ABCA4: variants seen among roughly 807,000 people sequenced by gnomAD.
The protein encoded by ABCA4 is retinal-specific phospholipid-transporting ATPase ABCA4.
A neutral mutation model predicts 263.7 loss-of-function variants in ABCA4; 196 were observed. That is an observed-to-expected ratio of 0.74 (90% CI 0.66 to 0.84). The LOEUF (loss-of-function observed/expected upper bound fraction) is 0.84. Ranked by LOEUF, ABCA4 falls within the 40% of genes least tolerant of loss-of-function variation. The pLI, the probability that ABCA4 is intolerant of heterozygous loss-of-function variation, is 0.00. For synonymous variants in ABCA4, 1,133 were observed against 1,094.2 expected (o/e 1.04, Z -0.70); for missense variants, 2,792 against 2,855.1 (o/e 0.98, Z 0.50).
At chr1:94,017,047 A>G (rs1659765644) in intron 36 of ABCA4, among the ~76,000 whole-genome samples, 2 of 152,232 alleles carry the variant, frequency 1.3e-5, no homozygotes, top group South Asian at 4.1e-4. Flanking sequence ...ATATCAAAAT[A>G]AATAATGATA....
At chr1:94,046,850 G>A in intron 19 of ABCA4, 69 bp downstream of exon 19, 1 of 1,576,042 alleles carries the variant, frequency 6.3e-7, no homozygotes, top group Non-Finnish European at 8.7e-7. Context: ...GACAGCCGCT[G>A]ATAGGGAAAG....
At chr1:94,076,582 G>A (rs376339483) in intron 11 of ABCA4, among the ~76,000 whole-genome samples, 3 of 152,228 alleles carry the variant, frequency 2.0e-5, no homozygotes, top group African/African-American at 2.4e-5. Flanking sequence ...GCCTGTAGGC[G>A]TGAAAGGGCC....
Position 94,047,103 on chromosome 1 carries a change from A to G in ABCA4, c.2744-10T>C. On this transcript the variant is annotated splice_polypyrimidine_tract_variant and intron_variant, in intron 18 of 49. Coordinates refer to ENST00000370225, the MANE Select transcript of ABCA4 (RefSeq NM_000350.3). ...CGTTCAAAGAAGGAGTCTTGGAGGA[A>G]AAAAAATGAACATGATGTAAACATA... The G allele has an allele frequency of 1.2e-6, 2 of 1,614,028 alleles. No homozygotes were observed. The highest frequency in any genetic ancestry group is 1.7e-6 in the Non-Finnish European group (2 of 1,179,960).
intron 5 of ABCA4, among the ~76,000 whole-genome samples, chr1:94,102,235 C>T (rs980726869): frequency 5.3e-5 from 8 of 152,018 alleles, no homozygotes; most frequent in South Asian, 2.1e-4. Context: ...AAATTGGGGG[C>T]GTATACACAG....
At chr1:94,107,673 G>A (rs962648988) in intron 4 of ABCA4, among the ~76,000 whole-genome samples, 1 of 151,958 alleles carries the variant, frequency 6.6e-6, no homozygotes, top group African/African-American at 2.4e-5. Context: ...TGTCCGTGTG[G>A]GGCCAACATC....
At chr1:94,108,984 G>A (rs900997221) in intron 3 of ABCA4, among the ~76,000 whole-genome samples, 3 of 152,068 alleles carry the variant, frequency 2.0e-5, no homozygotes, top group Non-Finnish European at 4.4e-5. Context: ...GTGTTAGCCA[G>A]GATGGTCTCG....
intron 4 of ABCA4, among the ~76,000 whole-genome samples, chr1:94,107,381 G>A (rs966823574): frequency 2.0e-5 from 3 of 152,096 alleles, no homozygotes; most frequent in Non-Finnish European, 2.9e-5. Flanking sequence ...ACTTCCTCAC[G>A]ACCACTCTTT....
At chr1:94,083,841 C>T (rs1661766099) in intron 6 of ABCA4, among the ~76,000 whole-genome samples, 1 of 152,222 alleles carries the variant, frequency 6.6e-6, no homozygotes, top group South Asian at 2.1e-4. Context: ...TTTGTAGACA[C>T]TGCAGTCTTC....
intron 11 of ABCA4, among the ~76,000 whole-genome samples, chr1:94,068,099 G>A (rs753326730): frequency 1.2e-4 from 18 of 152,146 alleles, no homozygotes; most frequent in African/African-American, 3.1e-4. Context: ...ATCCCATCCT[G>A]AGCTGATCCA....
chr1:94,116,047 G>T (rs1407699105), intron 1 of ABCA4, among the ~76,000 whole-genome samples: 1 of 152,096 alleles, frequency 6.6e-6, no homozygotes, highest in Non-Finnish European at 1.5e-5. Flanking sequence ...CCCTTGCAAG[G>T]CTTGTCACGC....
In ABCA4 at chr1:94,031,977, G is replaced by A. The variant is rs775563920; in HGVS notation, c.3929C>T (p.Ala1310Val). ...ATTGGAGTCCTGGGGTGTCTGTCCA[G>A]CCTTCTCTCTGGGACCCAAGCAGGG... is the stretch of plus-strand genomic sequence containing the variant. ...RHPCLGPREK[A>V]GQTPQDSNVC... is the part of the protein sequence containing the mutation. The change falls in exon 27 of 50, where the codon GCT becomes GTT. Residue 1310 changes from alanine (A) to valine (V), a missense_variant. Transcript: ENST00000370225. 2 of 1,614,024 alleles carry A rather than the reference G, an allele frequency of 1.2e-6. No individual in the cohort carries two copies. Among genetic ancestry groups the A allele is most frequent in the Non-Finnish European group, 8.5e-7 (1 of 1,180,028 alleles).
intron 16 of ABCA4, 31 bp from the exon 17 acceptor site, chr1:94,051,729 T>C: frequency 6.5e-7 from 1 of 1,542,786 alleles, no homozygotes; most frequent in Non-Finnish European, 9.0e-7. Flanking sequence ...ACAGAGAAAG[T>C]CGAAGGAGTC....
At position 94,111,854 on chromosome 1, in the gene ABCA4, C is replaced by T. The variant is rs1889405; in HGVS notation, c.161-275G>A. ...TGTGAAGGGGAAGCAAGGGGGGACACGTCATTTTGTGCCGAGAGGGGCATA... is the reference window on the plus strand; with the variant it reads ...TGTGAAGGGGAAGCAAGGGGGGACATGTCATTTTGTGCCGAGAGGGGCATA... On this transcript the variant is annotated intron_variant, in intron 2 of 49. Coordinates refer to ENST00000370225, the MANE Select transcript of ABCA4 (RefSeq NM_000350.3). Among the ~76,000 whole-genome samples, 29,601 of 151,960 alleles carry T rather than the reference C, an allele frequency of 0.19. 3,048 individuals are homozygous for T. The highest frequency in any genetic ancestry group is 0.23 in the Middle Eastern group (68 of 294).
At chr1:94,046,003 C>A (rs902657290) in intron 19 of ABCA4, 1 of 453,548 alleles carries the variant, frequency 2.2e-6, no homozygotes, top group African/African-American at 2.0e-5. Flanking sequence ...CCTTCCCTGC[C>A]CTGACCTTCT....
In ABCA4 at chr1:94,077,877, C is replaced by T. The variant is rs1661579289; in HGVS notation, c.1367G>A (p.Gly456Glu). ...TQMNMIRDTL[G>E]NPTVKDFLNR... The stretch of plus-strand genomic sequence containing the variant: ...CAAAAAGTCTTTTACTGTTGGGTTC[C>T]CCAGGGTATCCTTGGGAAGAAGAAA... The change falls in exon 11 of 50, where the codon GGG (glycine) becomes GAG (glutamate). Residue 456 changes from glycine (G) to glutamate (E), a missense_variant. By Grantham distance (98) the Gly-to-Glu change is moderately conservative. Transcript: ENST00000370225. 1 of 1,614,016 alleles carries T rather than the reference C, an allele frequency of 6.2e-7. No individual in the cohort carries two copies. Among genetic ancestry groups the T allele is most frequent in the Non-Finnish European group, 8.5e-7 (1 of 1,179,942 alleles).
intron 16 of ABCA4, among the ~76,000 whole-genome samples, chr1:94,054,362 C>T (rs1030744710): frequency 1.3e-5 from 2 of 152,006 alleles, no homozygotes; most frequent in Non-Finnish European, 2.9e-5. Context: ...AAGAATGTTC[C>T]CCAAAATAAA....
rs1661582014 is a variant in ABCA4, at chr1:94,077,960, T to C, written c.1357-73A>G. The C allele has an allele frequency of 2.7e-6, 4 of 1,474,372 alleles. No homozygotes were observed. The East Asian group carries it at 9.1e-5, about 33-fold the overall frequency. 91.3% of individuals were successfully genotyped at this position (1,474,372 alleles called of 1,614,324 possible). A position where few individuals can be genotyped will look rare whatever the true frequency, so the allele number is the denominator to read the frequency against. Reference sequence around the variant, plus strand: ...GATCTTTGGTCTTGTTCTTCAGCCATTTCTAATTTTTAGTGATTGAGGATA... The same window carrying C: ...GATCTTTGGTCTTGTTCTTCAGCCACTTCTAATTTTTAGTGATTGAGGATA... On this transcript the variant is annotated intron_variant, in intron 10 of 49. Coordinates refer to ENST00000370225, the MANE Select transcript of ABCA4 (RefSeq NM_000350.3).
intron 1 of ABCA4, among the ~76,000 whole-genome samples, chr1:94,115,171 T>A (rs1465941437): frequency 6.6e-6 from 1 of 152,158 alleles, no homozygotes; most frequent in African/African-American, 2.4e-5. Flanking sequence ...CAACGTTGAG[T>A]GATAGGAGCA....
Position 94,040,066 on chromosome 1 carries a change from A to G in ABCA4, c.3584T>C (p.Leu1195Pro). Residue 1195 changes from leucine (L) to proline (P), a missense_variant, in exon 24 of 50, where the codon CTA becomes CCA. Coordinates refer to ENST00000370225, the MANE Select transcript of ABCA4 (RefSeq NM_000350.3). Reference sequence around the variant, plus strand: ...ACCATCCAGGACTTGTTCTGGAGTTAGGTCATCGACGTGGGCTGGACACGT... The same window carrying G: ...ACCATCCAGGACTTGTTCTGGAGTTGGGTCATCGACGTGGGCTGGACACGT... ...STTCPAHVDD[L>P]TPEQVLDGDV... is the part of the protein sequence containing the mutation. The G allele has an allele frequency of 6.2e-7, 1 of 1,608,428 alleles. No individual in the cohort carries two copies. The highest frequency in any genetic ancestry group is 1.3e-5 in the African/African-American group (1 of 75,002).
Sources: allele counts gnomAD v4.1 joint callset (sites outside exome capture counted in the v4.1 genomes callset), GRCh38; gene constraint gnomAD v4.1.1; transcripts MANE v1.5; gene names NCBI Gene and HGNC (gene_info 2026-07-23, HGNC 2026-07-21).